TBC1D5: variants seen among roughly 807,000 people sequenced by gnomAD.
The protein encoded by TBC1D5 is TBC1 domain family, member 5.
In TBC1D5, 75 loss-of-function variants were observed where a neutral mutation model predicts 100.3. The observed-to-expected ratio is 0.75, with a 90% CI of 0.62 to 0.91. The LOEUF (loss-of-function observed/expected upper bound fraction) is 0.91, where lower values mean the gene tolerates loss of function less well. Among genes scored for constraint, TBC1D5 ranks in the 40% least tolerant of loss-of-function variants. TBC1D5 has a pLI of 0.00. For missense variants in TBC1D5, 910 were observed against 942.4 expected, an observed-to-expected ratio of 0.97 and a Z score of 0.45; for synonymous variants, 323 against 325.6, an observed-to-expected ratio of 0.99 and a Z score of 0.09.
intron 19 of TBC1D5, among the ~76,000 whole-genome samples, chr3:17,169,430 T>C (rs1441668656): frequency 6.6e-6 from 1 of 152,234 alleles, no homozygotes; most frequent in Non-Finnish European, 1.5e-5. Flanking sequence ...ACCATCAACA[T>C]GTTTCCAGCC....
At chr3:17,246,418 A>G (rs2076740832) in intron 16 of TBC1D5, among the ~76,000 whole-genome samples, 1 of 152,208 alleles carries the variant, frequency 6.6e-6, no homozygotes, top group South Asian at 2.1e-4. Flanking sequence ...TAGAAATTGG[A>G]AAGTTGATTG....
intron 2 of TBC1D5, among the ~76,000 whole-genome samples, chr3:17,514,537 A>G (rs1388244137): frequency 2.0e-5 from 3 of 152,236 alleles, no homozygotes; most frequent in African/African-American, 7.2e-5. Flanking sequence ...CTATCAGAAT[A>G]AGCTGTTTAG....
At chr3:17,300,288 T>G (rs148049098) in intron 14 of TBC1D5, among the ~76,000 whole-genome samples, 1 of 152,364 alleles carries the variant, frequency 6.6e-6, no homozygotes, top group East Asian at 1.9e-4. Flanking sequence ...TATCAATTTG[T>G]GCTTTGATAA....
chr3:17,178,184 G>C (rs1052048865), intron 19 of TBC1D5, among the ~76,000 whole-genome samples: 1 of 150,962 alleles, frequency 6.6e-6, no homozygotes, highest in African/African-American at 2.4e-5. Context: ...TCCTGCCTCA[G>C]CCTCCTGAGT....
At chr3:17,163,011 T>G (rs915762860) in intron 21 of TBC1D5, among the ~76,000 whole-genome samples, 2 of 152,250 alleles carry the variant, frequency 1.3e-5, no homozygotes, top group African/African-American at 4.8e-5. Context: ...GGCCTAGTTT[T>G]TAGAGTGGTG....
At chr3:17,630,863 G>A (rs1370059298) in intron 1 of TBC1D5, among the ~76,000 whole-genome samples, 2 of 134,440 alleles carry the variant, frequency 1.5e-5, no homozygotes, top group Non-Finnish European at 3.1e-5. Context: ...GTGAAACCCC[G>A]TCTCTACTAA....
intron 15 of TBC1D5, among the ~76,000 whole-genome samples, chr3:17,263,366 C>CAAAAAAAAAAAAAA (rs71049192): frequency 1.2e-5 from 1 of 80,988 alleles, no homozygotes. Context: ...ACCCTGTCTC[C>CAAAAAAAAAAAAAA]AAAAAAAAAA....
intron 3 of TBC1D5, among the ~76,000 whole-genome samples, chr3:17,471,658 G>A (rs192214307): frequency 1.7e-4 from 18 of 103,236 alleles, no homozygotes; most frequent in Admixed American, 4.5e-4. Flanking sequence ...GCGACAGAGC[G>A]AGACTCCGTC....
At chr3:17,421,589 A>C (rs2094208946) in intron 4 of TBC1D5, among the ~76,000 whole-genome samples, 1 of 152,182 alleles carries the variant, frequency 6.6e-6, no homozygotes, top group Non-Finnish European at 1.5e-5. Flanking sequence ...ATTTTAGAAA[A>C]GAGAGAGGGA....
intron 20 of TBC1D5, 38 bp from the exon 22 acceptor site, chr3:17,166,966 G>A: frequency 3.2e-6 from 5 of 1,558,784 alleles, no homozygotes; most frequent in South Asian, 1.2e-5. Flanking sequence ...GAAAAAAATG[G>A]ATGAGTTTGT....
At chr3:17,336,297 T>C (rs992481912) in intron 13 of TBC1D5, among the ~76,000 whole-genome samples, 9 of 152,060 alleles carry the variant, frequency 5.9e-5, no homozygotes, top group Non-Finnish European at 8.8e-5. Context: ...ATGTAGAAAC[T>C]GGAAAGCTGC....
At chr3:17,712,154 G>A (rs932431254) in intron 1 of TBC1D5, among the ~76,000 whole-genome samples, 4 of 151,794 alleles carry the variant, frequency 2.6e-5, no homozygotes, top group Admixed American at 6.6e-5. Flanking sequence ...CTCTTCTCTC[G>A]GTGAAATCAT....
At chr3:17,312,293 T>A (rs970698970) in intron 13 of TBC1D5, among the ~76,000 whole-genome samples, 7 of 152,250 alleles carry the variant, frequency 4.6e-5, no homozygotes, top group African/African-American at 1.7e-4. Flanking sequence ...CACTTACTAG[T>A]CTTCTAAGGG....
At chr3:17,439,730 C>T (rs180858602) in intron 3 of TBC1D5, among the ~76,000 whole-genome samples, 237 of 152,104 alleles carry the variant, frequency 1.6e-3, no homozygotes, top group African/African-American at 5.3e-3. Context: ...TATGATAATG[C>T]ATCTTTATTT....
chr3:17,327,585 T>C (rs953528551), intron 13 of TBC1D5, among the ~76,000 whole-genome samples: 2 of 152,148 alleles, frequency 1.3e-5, no homozygotes, highest in South Asian at 2.1e-4. Flanking sequence ...CAAAAATACA[T>C]GGCTTGCTCC....
At chr3:17,173,243 T>G (rs1254218069) in intron 19 of TBC1D5, among the ~76,000 whole-genome samples, 1 of 152,178 alleles carries the variant, frequency 6.6e-6, no homozygotes, top group Non-Finnish European at 1.5e-5. Context: ...TTTCAGATCT[T>G]TCAGACTCCT....
chr3:17,166,852 A>C, exon 21 of TBC1D5: 2 of 1,614,228 alleles, frequency 1.2e-6, no homozygotes, highest in South Asian at 1.1e-5. Context: ...GTTGTCCGCA[A>C]TGGTGATCTG....
intron 21 of TBC1D5, among the ~76,000 whole-genome samples, chr3:17,163,376 C>A (rs147288971): frequency 2.6e-5 from 4 of 152,004 alleles, no homozygotes; most frequent in African/African-American, 9.7e-5. Context: ...TGGACTCCCA[C>A]CTAGAATTTT....
chr3:17,614,576 G>C (rs949992068), intron 2 of TBC1D5, among the ~76,000 whole-genome samples: 2 of 152,166 alleles, frequency 1.3e-5, no homozygotes, highest in Non-Finnish European at 2.9e-5. Context: ...GCAGTGGTTT[G>C]TAGTTCTCCT....
Sources: gnomAD v4.1 joint callset for allele counts (sites outside exome capture counted in the v4.1 genomes callset) on GRCh38, gnomAD v4.1.1 for gene constraint, MANE v1.5 for transcripts, NCBI Gene and HGNC (gene_info 2026-07-23, HGNC 2026-07-21) for gene names.